The following SYNE2 variants were observed in gnomAD, a reference collection of about 807,000 sequenced individuals.
The protein encoded by SYNE2 is nesprin-2.
Under a neutral mutation model 856.3 loss-of-function variants are expected in SYNE2, and 431 were observed. The ratio of observed to expected loss-of-function variants is 0.50; its 90% confidence interval spans 0.47 to 0.55. SYNE2 has a LOEUF of 0.55. Ranked by LOEUF, SYNE2 falls within the 20% of genes least tolerant of loss-of-function variation. The pLI, the probability that SYNE2 is intolerant of heterozygous loss-of-function variation, is 0.00. For missense variants in SYNE2, 8,129 were observed against 8,023.2 expected (o/e 1.01, Z -0.50); for synonymous variants, 2,923 against 2,872.3 (o/e 1.02, Z -0.56).
At chr14:63,796,650 C>CT (rs940391757) in intron 1 of SYNE2, among the ~76,000 whole-genome samples, 1 of 151,694 alleles carries the variant, frequency 6.6e-6, no homozygotes, top group African/African-American at 2.4e-5. Flanking sequence ...GGAAGAGTAC[C>CT]TTGCCTTTTT....
At chr14:63,945,608 T>C (rs528254365) in intron 6 of SYNE2, among the ~76,000 whole-genome samples, 1 of 152,180 alleles carries the variant, frequency 6.6e-6, no homozygotes, top group East Asian at 1.9e-4. Flanking sequence ...TTTTTATTTG[T>C]TTGTTTTTTA....
At chr14:64,029,182 G>C (rs2097010097) in intron 43 of SYNE2, among the ~76,000 whole-genome samples, 1 of 152,098 alleles carries the variant, frequency 6.6e-6, no homozygotes, top group African/African-American at 2.4e-5. Flanking sequence ...TCATGAGGGA[G>C]TATATTCTTT....
In SYNE2 at chr14:64,175,110, T is replaced by C; in HGVS notation, c.17402T>C (p.Met5801Thr). Residue 5801 changes from methionine (M) to threonine (T), a missense_variant, in exon 95 of 116, where the codon ATG becomes ACG. This residue lies in a region of SYNE2 where 5,410 missense variants were observed against 5,284.8 expected (regional missense o/e 1.02). Coordinates refer to ENST00000555002, the MANE Select transcript of SYNE2 (RefSeq NM_182914.3). ...WKDMEPQLAE[M>T]IKQFQSTVET... is the part of the protein sequence containing the mutation. Reference sequence around the variant, plus strand: ...GACATGGAGCCCCAGCTGGCAGAGATGATTAAGCAGTTCCAGAGCACTGTA... The same window carrying C: ...GACATGGAGCCCCAGCTGGCAGAGACGATTAAGCAGTTCCAGAGCACTGTA... The C allele has an allele frequency of 6.2e-7, 1 of 1,614,074 alleles. No homozygotes were observed.
intron 90 of SYNE2, chr14:64,167,024 C>G (rs2153722759): frequency 1.7e-6 from 1 of 603,240 alleles, no homozygotes; most frequent in African/African-American, 1.9e-5. Context: ...TGGGTGCTGG[C>G]CGTGTTGCAG....
chr14:64,152,527 A>G, intron 84 of SYNE2, 37 bp from the exon 85 acceptor site: 1 of 1,610,074 alleles, frequency 6.2e-7, no homozygotes, highest in Non-Finnish European at 8.5e-7. Flanking sequence ...GTTTTGTAAT[A>G]TTGTGCATTG....
chr14:64,085,182 C>T (rs1333175524), intron 57 of SYNE2: 1 of 545,686 alleles, frequency 1.8e-6, no homozygotes, highest in Non-Finnish European at 3.3e-6. Flanking sequence ...AAATGTTCCT[C>T]CCACCTTAGC....
In SYNE2 at chr14:63,902,939, A is replaced by G. The variant is rs577025709; in HGVS notation, c.-51-6159A>G. On this transcript the variant is annotated intron_variant, in intron 1 of 115. Transcript: ENST00000555002. ...GCAGTCCTCCTGCCTCTGGCTTCCTAAGTGCTGGGATTACAGGTATGAGCC... is the reference window on the plus strand; with the variant it reads ...GCAGTCCTCCTGCCTCTGGCTTCCTGAGTGCTGGGATTACAGGTATGAGCC... Among the ~76,000 whole-genome samples, 19 of 152,054 alleles carry G rather than the reference A, an allele frequency of 1.2e-4. 1 individual carries two copies. The South Asian group carries it at 3.5e-3, about 28-fold the overall frequency.
intron 11 of SYNE2, among the ~76,000 whole-genome samples, 184 bp downstream of exon 11, chr14:63,968,030 G>A (rs1019926068): frequency 6.6e-6 from 1 of 152,168 alleles, no homozygotes; most frequent in Non-Finnish European, 1.5e-5. Context: ...GGGTGTGTTG[G>A]TGAGCACCTG....
chr14:63,908,718 T>G (rs1335393893), intron 1 of SYNE2, among the ~76,000 whole-genome samples: 1 of 152,196 alleles, frequency 6.6e-6, no homozygotes, highest in Non-Finnish European at 1.5e-5. Context: ...AAGAAAATCC[T>G]TGAAGGTTGA....
intron 65 of SYNE2, among the ~76,000 whole-genome samples, chr14:64,108,856 T>G (rs17101669): frequency 0.037 from 5,619 of 152,040 alleles, 314 homozygotes; most frequent in African/African-American, 0.13. Context: ...AGTCAGTATG[T>G]TTTTTTGCTG....
chr14:63,779,854 G>T (rs1038127234), intron 1 of SYNE2, among the ~76,000 whole-genome samples: 1 of 151,982 alleles, frequency 6.6e-6, no homozygotes, highest in East Asian at 1.9e-4. Context: ...ACTGGGGCGG[G>T]GTGAGCAGGG....
At chr14:63,803,097 G>C (rs959942535) in intron 1 of SYNE2, among the ~76,000 whole-genome samples, 1 of 152,090 alleles carries the variant, frequency 6.6e-6, no homozygotes, top group East Asian at 1.9e-4. Flanking sequence ...TGGTAGAGCC[G>C]AGTGGCCTGT....
chr14:64,019,670 T>C (rs2096921717), intron 34 of SYNE2, among the ~76,000 whole-genome samples: 1 of 152,206 alleles, frequency 6.6e-6, no homozygotes, highest in South Asian at 2.1e-4. Context: ...TGTGTGTGCA[T>C]GCGTGCAGAT....
chr14:63,993,567 A>G (rs143718635), intron 21 of SYNE2, among the ~76,000 whole-genome samples: 410 of 152,344 alleles, frequency 2.7e-3, no homozygotes, highest in African/African-American at 9.3e-3. Flanking sequence ...TTTGAATATC[A>G]TAAAGGTATC....
At chr14:63,868,440 A>G (rs1448515756) in intron 1 of SYNE2, among the ~76,000 whole-genome samples, 2 of 151,372 alleles carry the variant, frequency 1.3e-5, no homozygotes, top group Non-Finnish European at 2.9e-5. Context: ...ATGCCACTGC[A>G]CTCGAGCCTG....
chr14:64,177,781 T>C (rs1284115331), intron 96 of SYNE2, among the ~76,000 whole-genome samples: 1 of 152,230 alleles, frequency 6.6e-6, no homozygotes, highest in Non-Finnish European at 1.5e-5. Flanking sequence ...AGATGTGGCC[T>C]CTGAGATTCC....
At position 64,049,714 on chromosome 14, in the gene SYNE2, T is replaced by G; in HGVS notation, c.7481T>G (p.Ile2494Arg). 1 of 1,614,108 alleles carries G rather than the reference T, an allele frequency of 6.2e-7. No individual in the cohort carries two copies. Among genetic ancestry groups the G allele is most frequent in the Non-Finnish European group, 8.5e-7 (1 of 1,180,024 alleles). The change falls in exon 47 of 116, where the codon ATA becomes AGA. Residue 2494 changes from isoleucine (I) to arginine (R), a missense_variant. By Grantham distance (97) the Ile-to-Arg change is moderately conservative (BLOSUM62 -3). This residue lies in a region of SYNE2 where 5,410 missense variants were observed against 5,284.8 expected (regional missense o/e 1.02). Transcript: ENST00000555002. ...TETGALVLHN[I>R]GYSAQHLDNL... ...ACTGGGGCCTTGGTTCTCCACAATA[T>G]AGGATATTCGGCACAGCATTTGGAC...
chr14:64,143,631 G>A, intron 82 of SYNE2, 141 bp from the exon 83 acceptor site: 1 of 834,476 alleles, frequency 1.2e-6, no homozygotes, highest in Non-Finnish European at 2.0e-6. Flanking sequence ...GTGTAGGTTG[G>A]GGAGGGTAGA....
chr14:63,913,249 TA>T (rs2095494577), intron 2 of SYNE2, among the ~76,000 whole-genome samples: 1 of 151,962 alleles, frequency 6.6e-6, no homozygotes, highest in Non-Finnish European at 1.5e-5. Flanking sequence ...GAGTACCCTT[TA>T]TGGGTAGATA....
Sources: gnomAD v4.1 joint callset for allele counts (sites outside exome capture counted in the v4.1 genomes callset) on GRCh38, gnomAD v4.1.1 for gene constraint, gnomAD v4.1.1 regional missense constraint, MANE v1.5 for transcripts, NCBI Gene and HGNC (gene_info 2026-07-23, HGNC 2026-07-21) for gene names.